The following HECW1 variants were observed in gnomAD, a reference collection of about 807,000 sequenced individuals.
HECW1 encodes E3 ubiquitin-protein ligase HECW1.
HECW1 carries 61 observed loss-of-function variants against 182.3 expected under a neutral mutation model. The ratio of observed to expected loss-of-function variants is 0.33; its 90% CI spans 0.27 to 0.41. The LOEUF is 0.41. Among genes scored for constraint, HECW1 ranks in the 10% least tolerant of loss-of-function variants. The pLI, the probability that HECW1 is intolerant of heterozygous loss-of-function variation, is 1.00. For synonymous variants in HECW1, 859 were observed against 832.6 expected (o/e 1.03, Z -0.55); for missense variants, 1,739 against 2,108.9 (o/e 0.82, Z 3.44).
In HECW1 at chr7:43,565,870, CAGG is replaced by C. The variant is rs756847587; in HGVS notation, c.*3947_*3949del. On this transcript the variant is annotated 3_prime_UTR_variant, in exon 30 of 30. Transcript: ENST00000395891. ...TTCAAAAGTCTGTTCTAGTCAATAG[CAGG>C]AGAAGTCCACGTTATTGGGCTGATT... is the stretch of plus-strand genomic sequence containing the variant. The C allele has an allele frequency of 1.0e-5, 2 of 190,922 alleles. No individual in the cohort carries two copies. Among genetic ancestry groups the C allele is most frequent in the South Asian group, 1.9e-4 (1 of 5,162 alleles). 11.8% of individuals were successfully genotyped at this position (190,922 alleles called of 1,614,324 possible).
chr7:43,456,563 T>G (rs542717380), intron 13 of HECW1, 116 bp downstream of exon 13: 293 of 934,930 alleles, frequency 3.1e-4, no homozygotes, highest in Non-Finnish European at 4.1e-4. Flanking sequence ...GGAAAGTAAT[T>G]AAGTATCTTA....
intron 3 of HECW1, chr7:43,245,358 T>C (rs1393243787): frequency 6.6e-6 from 1 of 152,238 alleles, no homozygotes; most frequent in Non-Finnish European, 1.5e-5. Context: ...GCATTCCCCT[T>C]GGACTTCGGT....
chr7:43,159,184 C>CT (rs11455925), intron 2 of HECW1, among the ~76,000 whole-genome samples: 77,046 of 149,446 alleles, frequency 0.52, 20,014 homozygotes, highest in South Asian at 0.65. Flanking sequence ...TGTTCATTTT[C>CT]TTTTTTTTTA....
intron 2 of HECW1, among the ~76,000 whole-genome samples, chr7:43,175,985 A>G (rs1278050534): frequency 6.6e-6 from 1 of 152,162 alleles, no homozygotes; most frequent in Non-Finnish European, 1.5e-5. Context: ...TCAGATTTGG[A>G]TAACCTTTTG....
chr7:43,236,829 T>C (rs2330785), intron 2 of HECW1, among the ~76,000 whole-genome samples: 46,304 of 151,982 alleles, frequency 0.3, 7,475 homozygotes, highest in Non-Finnish European at 0.36. Context: ...GGGCACATTA[T>C]GAGGGAGTTG....
At chr7:43,376,467 G>A (rs1054102658) in intron 6 of HECW1, among the ~76,000 whole-genome samples, 4 of 152,174 alleles carry the variant, frequency 2.6e-5, no homozygotes, top group African/African-American at 9.7e-5. Context: ...CTCAGTAGGT[G>A]CCCGTGAGTT....
intron 2 of HECW1, among the ~76,000 whole-genome samples, chr7:43,201,766 A>G (rs1021078309): frequency 2.0e-5 from 3 of 152,242 alleles, no homozygotes; most frequent in African/African-American, 7.2e-5. Flanking sequence ...TGTGGAGAGA[A>G]ATACCTATGC....
chr7:43,349,158 C>A (rs1365163151), intron 5 of HECW1, among the ~76,000 whole-genome samples: 1 of 152,134 alleles, frequency 6.6e-6, no homozygotes, highest in African/African-American at 2.4e-5. Flanking sequence ...CCTCAGCCTA[C>A]CGAGTAGTTG....
intron 2 of HECW1, among the ~76,000 whole-genome samples, chr7:43,203,311 C>CT (rs1353680553): frequency 6.6e-6 from 1 of 152,068 alleles, no homozygotes; most frequent in African/African-American, 2.4e-5. Flanking sequence ...TCTTAGTTTC[C>CT]TTTTTTGTGT....
intron 2 of HECW1, among the ~76,000 whole-genome samples, chr7:43,190,855 G>A (rs1191594129): frequency 6.6e-6 from 1 of 152,180 alleles, no homozygotes; most frequent in African/African-American, 2.4e-5. Context: ...ACCCAGTCTT[G>A]TTTCTGGCTG....
chr7:43,449,015 C>T (rs1015771094), intron 11 of HECW1, among the ~76,000 whole-genome samples: 52 of 152,276 alleles, frequency 3.4e-4, no homozygotes, highest in African/African-American at 1.2e-3. Flanking sequence ...GCTTGGGGTT[C>T]ACAAGCAGGT....
intron 3 of HECW1, among the ~76,000 whole-genome samples, chr7:43,278,752 C>T (rs913240010): frequency 6.6e-6 from 1 of 152,114 alleles, no homozygotes; most frequent in Admixed American, 6.5e-5. Context: ...TAAGTTGTCA[C>T]TTCTCCTCCT....
intron 2 of HECW1, among the ~76,000 whole-genome samples, chr7:43,145,110 C>T (rs190430488): frequency 1.1e-3 from 174 of 152,238 alleles, no homozygotes; most frequent in Non-Finnish European, 2.2e-3. Flanking sequence ...AAATTACTAA[C>T]TCTCTCAACA....
chr7:43,444,454 C>A lies in HECW1; in HGVS notation c.1282C>A (p.Gln428Lys), dbSNP rs1562983185. Residue 428 changes from glutamine to lysine, a missense_variant, in exon 11 of 30, where the codon CAG becomes AAG. By Grantham distance (53) the Gln-to-Lys change is moderately conservative. Transcript: ENST00000395891. This position sits in a 1 kb window ranked among gnomAD's most constrained non-coding sequence, Gnocchi z 4.3. ...EAAVITEAGD[Q>K]GMVSVGPEGA... is the part of the protein sequence containing the mutation. ...AGCAGTCATCACGGAGGCAGGAGAC[C>A]AGGGCATGGTCTCTGTGGGACCTGA... The A allele has an allele frequency of 1.9e-6, 3 of 1,613,644 alleles. No homozygotes were observed. The East Asian group carries it at 6.7e-5, about 36-fold the overall frequency.
intron 6 of HECW1, among the ~76,000 whole-genome samples, chr7:43,366,432 A>G (rs1296528821): frequency 6.6e-6 from 1 of 152,224 alleles, no homozygotes; most frequent in Non-Finnish European, 1.5e-5. Context: ...ATTTCAAAAA[A>G]AATTTCAAGT....
chr7:43,198,676 C>T (rs1214056599), intron 2 of HECW1, among the ~76,000 whole-genome samples: 2 of 150,344 alleles, frequency 1.3e-5, no homozygotes, highest in African/African-American at 5.0e-5. Flanking sequence ...CACACTCACA[C>T]ACACACCACA....
At chr7:43,551,389 GC>G (rs1202305522) in intron 27 of HECW1, among the ~76,000 whole-genome samples, 1 of 152,160 alleles carries the variant, frequency 6.6e-6, no homozygotes, top group Non-Finnish European at 1.5e-5. Flanking sequence ...TGAGCATGAG[GC>G]TTTTAATCTT....
chr7:43,175,273 A>G (rs77651706), intron 2 of HECW1, among the ~76,000 whole-genome samples: 10,884 of 152,220 alleles, frequency 0.072, 561 homozygotes, highest in East Asian at 0.28. Flanking sequence ...TCATGAGAAC[A>G]TTCAGAATCC....
intron 24 of HECW1, among the ~76,000 whole-genome samples, chr7:43,519,892 A>G (rs983328435): frequency 2.6e-5 from 4 of 152,208 alleles, no homozygotes. Context: ...ATGTGATTAT[A>G]TGATTCAGAT....
Sources: allele counts gnomAD v4.1 joint callset (sites outside exome capture counted in the v4.1 genomes callset), GRCh38; gene constraint gnomAD v4.1.1; non-coding constraint Gnocchi (gnomAD v3.1); transcripts MANE v1.5; gene names NCBI Gene and HGNC (gene_info 2026-07-23, HGNC 2026-07-21).